ERG: variants seen among roughly 807,000 people sequenced by gnomAD.
The protein encoded by ERG is transcriptional regulator ERG.
Under a neutral mutation model 55.3 loss-of-function variants are expected in ERG, and 9 were observed. The observed-to-expected ratio is 0.16, with a 90% CI of 0.10 to 0.28. The LOEUF is 0.28. ERG is among the 10% of genes least tolerant of loss of function. The probability of loss-of-function intolerance (pLI) is 1.00; values close to 1 mark genes in which losing one functional copy is unlikely to be tolerated. For synonymous variants in ERG, 223 were observed against 237.3 expected, an observed-to-expected ratio of 0.94 and a Z score of 0.55; for missense variants, 434 against 631.6, an observed-to-expected ratio of 0.69 and a Z score of 3.35.
chr21:38,375,333 C>T (rs73437661), downstream of ERG, among the ~76,000 whole-genome samples: 1,337 of 152,240 alleles, frequency 8.8e-3, 28 homozygotes, highest in African/African-American at 0.03. Flanking sequence ...TGGGGAACCA[C>T]GATAGGTGCA....
chr21:38,422,121 G>A (rs367603404), intron 3 of ERG, among the ~76,000 whole-genome samples: 18 of 152,338 alleles, frequency 1.2e-4, no homozygotes, highest in African/African-American at 4.3e-4. Context: ...AGGTGGAGAC[G>A]AGAGCAATTC....
intron 2 of ERG, among the ~76,000 whole-genome samples, chr21:38,428,924 TGGTG>T (rs1179867102): frequency 1.3e-5 from 2 of 152,158 alleles, no homozygotes; most frequent in Admixed American, 1.3e-4. Context: ...GGGGAACAGG[TGGTG>T]TCTGGTTACA....
At chr21:38,409,502 A>AAG (rs1298821635) in intron 3 of ERG, among the ~76,000 whole-genome samples, 1 of 151,060 alleles carries the variant, frequency 6.6e-6, no homozygotes, top group East Asian at 1.9e-4. Context: ...AAAAAAAAAA[A>AAG]AAAAAAAAAG....
At chr21:38,453,587 A>C (rs2058960683) in intron 1 of ERG, among the ~76,000 whole-genome samples, 1 of 152,240 alleles carries the variant, frequency 6.6e-6, no homozygotes, top group African/African-American at 2.4e-5. Context: ...TCTTCTTTAA[A>C]GAATCGCTTT....
At chr21:38,591,413 C>A (rs905255163) in intron 1 of ERG, among the ~76,000 whole-genome samples, 9 of 152,174 alleles carry the variant, frequency 5.9e-5, no homozygotes, top group Non-Finnish European at 5.9e-5. Flanking sequence ...GAGGGAGTGG[C>A]AGTTCAAAGA....
intron 6 of ERG, among the ~76,000 whole-genome samples, chr21:38,397,596 C>CAAAAAAAAAAAAAA (rs61047146): frequency 1.5e-5 from 1 of 67,164 alleles, no homozygotes; most frequent in Admixed American, 1.9e-4. Flanking sequence ...GACTCCATCT[C>CAAAAAAAAAAAAAA]AAAAAAAAAA....
At chr21:38,391,630 T>A in intron 8 of ERG, 29 bp downstream of exon 8, 1 of 1,581,462 alleles carries the variant, frequency 6.3e-7, no homozygotes, top group Non-Finnish European at 8.6e-7. Flanking sequence ...TCTTCTCTTA[T>A]GGTTATCCAG....
intron 2 of ERG, among the ~76,000 whole-genome samples, chr21:38,507,086 G>A (rs948691681): frequency 6.6e-6 from 1 of 152,092 alleles, no homozygotes; most frequent in Non-Finnish European, 1.5e-5. Flanking sequence ...AAAGACGCTG[G>A]CTCGACAAAA....
intron 2 of ERG, among the ~76,000 whole-genome samples, chr21:38,565,169 A>G (rs1050674128): frequency 1.3e-5 from 2 of 152,080 alleles, no homozygotes; most frequent in Non-Finnish European, 2.9e-5. Flanking sequence ...TCCACCTTCA[A>G]AGTAGATCCC....
At chr21:38,589,009 G>A (rs761007267), upstream of ERG, among the ~76,000 whole-genome samples, 2 of 152,126 alleles carry the variant, frequency 1.3e-5, no homozygotes, top group Admixed American at 1.3e-4. Flanking sequence ...TGGATTAGAG[G>A]GGTGAGCTAC....
chr21:38,432,424 A>G (rs1460962791), intron 2 of ERG, among the ~76,000 whole-genome samples: 1 of 152,218 alleles, frequency 6.6e-6, no homozygotes, highest in Non-Finnish European at 1.5e-5. Context: ...ATTCAAATTT[A>G]CCAACACTAA....
At chr21:38,659,846 A>T (rs1396970652) in intron 1 of ERG, among the ~76,000 whole-genome samples, 1 of 152,254 alleles carries the variant, frequency 6.6e-6, no homozygotes, top group Non-Finnish European at 1.5e-5. Context: ...CATCTATGCA[A>T]CATACCATAG....
Position 38,493,160 on chromosome 21 carries a change from C to A in ERG, c.18+5203G>T, listed in dbSNP as rs1178672683. ...GGCTCAATAATTCCTTTCTAGGCAC[C>A]AATACTAATAAAAAGTATTCAAAAA... is the stretch of plus-strand genomic sequence containing the variant. On this transcript the variant is annotated intron_variant, in intron 1 of 9. Coordinates refer to ENST00000288319, the MANE Select transcript of ERG (RefSeq NM_182918.4). 3.3e-5 allele frequency among the ~76,000 whole-genome samples: 5 copies of A among 151,826 alleles called. No individual in the cohort carries two copies. The South Asian group carries it at 1.0e-3, about 32-fold the overall frequency.
upstream of ERG, among the ~76,000 whole-genome samples, chr21:38,587,108 T>A (rs1049777248): frequency 6.6e-6 from 1 of 152,262 alleles, no homozygotes; most frequent in Non-Finnish European, 1.5e-5. Context: ...TCCTTCTTTA[T>A]AGTTTTGTGT....
chr21:38,391,553 A>C, intron 8 of ERG, 106 bp downstream of exon 8: 1 of 957,940 alleles, frequency 1.0e-6, no homozygotes, highest in Non-Finnish European at 1.6e-6. Flanking sequence ...TGTCGAAAAG[A>C]GGCAAACAAT....
chr21:38,416,216 A>C (rs995291578), intron 3 of ERG, among the ~76,000 whole-genome samples: 2 of 152,188 alleles, frequency 1.3e-5, no homozygotes, highest in Admixed American at 1.3e-4. Flanking sequence ...CTATTCTCTA[A>C]TGTAACTCAG....
intron 2 of ERG, among the ~76,000 whole-genome samples, chr21:38,441,123 G>T (rs1467987211): frequency 1.3e-5 from 2 of 152,098 alleles, no homozygotes; most frequent in African/African-American, 4.8e-5. Flanking sequence ...CGGTGAACTG[G>T]CCCCCCAGAG....
the ERG span, among the ~76,000 whole-genome samples, chr21:38,368,815 C>T: frequency 6.6e-6 from 1 of 152,084 alleles, no homozygotes; most frequent in Non-Finnish European, 1.5e-5. Context: ...CCCCTCTATG[C>T]GTCCATGTAT....
intron 2 of ERG, among the ~76,000 whole-genome samples, chr21:38,440,023 C>T (rs896336361): frequency 2.6e-5 from 4 of 152,144 alleles, no homozygotes; most frequent in East Asian, 3.9e-4. Flanking sequence ...GCACTTCTCC[C>T]GTGGAGGTGT....
Sources: allele counts gnomAD v4.1 joint callset (sites outside exome capture counted in the v4.1 genomes callset), GRCh38; gene constraint gnomAD v4.1.1; transcripts MANE v1.5; gene names NCBI Gene and HGNC (gene_info 2026-07-23, HGNC 2026-07-21).